Variants in RFTN1 observed in about 807,000 individuals in gnomAD.
RFTN1 encodes the protein raftlin.
A neutral mutation model predicts 46.5 loss-of-function variants in RFTN1; 26 were observed. The observed-to-expected ratio is 0.56, with a 90% CI of 0.41 to 0.78. The LOEUF (loss-of-function observed/expected upper bound fraction) is 0.78, where lower values mean the gene tolerates loss of function less well. Among genes scored for constraint, RFTN1 ranks in the 30% least tolerant of loss-of-function variants. RFTN1 has a pLI of 0.00. For synonymous variants in RFTN1, 261 were observed against 284.2 expected, an observed-to-expected ratio of 0.92 and a Z score of 0.82; for missense variants, 693 against 718.7, an observed-to-expected ratio of 0.96 and a Z score of 0.41.
chr3:16,411,335 T>C (rs1559333383), intron 3 of RFTN1, among the ~76,000 whole-genome samples: 1 of 152,248 alleles, frequency 6.6e-6, no homozygotes, highest in Non-Finnish European at 1.5e-5. Flanking sequence ...ACCATCTGTG[T>C]ATGATTCACC....
chr3:16,480,368 G>GT lies in RFTN1; in HGVS notation c.145+13356dup, dbSNP rs2076345878. On this transcript the variant is annotated intron_variant, in intron 2 of 9. Coordinates refer to ENST00000334133, the MANE Select transcript of RFTN1 (RefSeq NM_015150.2). The surrounding 1 kb of genome is among the most constrained non-coding windows in gnomAD (Gnocchi z 4.3). ...CCCAATGAGGCTGTCAAACTAATGT[G>GT]TACTCCTCCTGATAAATCATGTGTA... 6.6e-6 allele frequency among the ~76,000 whole-genome samples: 1 copy of GT among 152,144 alleles called. No individual in the cohort carries two copies. The highest frequency in any genetic ancestry group is 1.5e-5 in the Non-Finnish European group (1 of 68,024).
intron 9 of RFTN1, among the ~76,000 whole-genome samples, chr3:16,319,816 G>C (rs2068839367): frequency 1.3e-5 from 2 of 152,252 alleles, no homozygotes; most frequent in Admixed American, 1.3e-4. Context: ...GACTGTGCCA[G>C]ATTTCAGTTG....
intron 4 of RFTN1, among the ~76,000 whole-genome samples, chr3:16,406,962 A>C (rs75758288): frequency 0.01 from 1,576 of 152,314 alleles, 22 homozygotes; most frequent in African/African-American, 0.036. Context: ...AAAAGTTAAG[A>C]TAAAAACTGG....
rs1342875390 is a variant in RFTN1 at position 16,327,624 on chromosome 3, G to C, written c.1147-748C>G. ...AATACAAAAAAAATTAGCCAGGCCT[G>C]GTGGCGGGCGCCTGTAGTCCCAGCT... On this transcript the variant is annotated intron_variant, in intron 7 of 9. Coordinates refer to ENST00000334133, the MANE Select transcript of RFTN1 (RefSeq NM_015150.2). This position sits in a 1 kb window ranked among gnomAD's most constrained non-coding sequence, Gnocchi z 4.2. Among the ~76,000 whole-genome samples, 1 of 152,054 alleles carries C rather than the reference G, an allele frequency of 6.6e-6. No homozygotes were observed. Among genetic ancestry groups the C allele is most frequent in the African/African-American group, 2.4e-5 (1 of 41,398 alleles).
chr3:16,332,231 CCTG>C (rs1294033399), intron 7 of RFTN1, among the ~76,000 whole-genome samples: 2 of 151,782 alleles, frequency 1.3e-5, no homozygotes. Context: ...TTTTTCTGGA[CCTG>C]CTATTAATCA....
chr3:16,345,810 GTGTGTGTGCGCGCGCGCGTGCGCGCA>G lies in RFTN1; in HGVS notation c.1146+12096_1146+12121del, dbSNP rs1273790446. On this transcript the variant is annotated intron_variant, in intron 7 of 9. Transcript: ENST00000334133. This position sits in a 1 kb window ranked among gnomAD's most constrained non-coding sequence, Gnocchi z 5.2. ...TCTCTGTGTGTGTGTGTGTGTGTGT[GTGTGTGTGCGCGCGCGCGTGCGCGCA>G]CGCGCACATGTGCATGTGTATGTGT... 1.3e-3 allele frequency among the ~76,000 whole-genome samples: 111 copies of G among 85,628 alleles called. No homozygotes were observed. The highest frequency in any genetic ancestry group is 3.6e-3 in the South Asian group (10 of 2,746). The allele number at this position is 85,628 out of a possible 152,430, so 56.2% of individuals were successfully genotyped here.
chr3:16,368,177 G>T (rs1438225936), intron 6 of RFTN1, among the ~76,000 whole-genome samples: 2 of 152,152 alleles, frequency 1.3e-5, no homozygotes, highest in African/African-American at 4.8e-5. Context: ...ACACTGATAT[G>T]TCAGGCTGTA....
intron 7 of RFTN1, among the ~76,000 whole-genome samples, chr3:16,331,917 C>A (rs147864945): frequency 7.9e-4 from 120 of 152,312 alleles, no homozygotes; most frequent in African/African-American, 2.6e-3. Context: ...ATTGATTTAT[C>A]CGTCAAAATT....
At position 16,465,454 on chromosome 3, in the gene RFTN1, A is replaced by ACC. The variant is rs1491254639; in HGVS notation, c.145+28269_145+28270dup. ...CACACACACACACACACACACACAC[A>ACC]CCCCATGCCTGATTAAACAAAATAA... On this transcript the variant is annotated intron_variant, in intron 2 of 9. Transcript: ENST00000334133. The surrounding 1 kb of genome is among the most constrained non-coding windows in gnomAD (Gnocchi z 5.1). Among the ~76,000 whole-genome samples the ACC allele has an allele frequency of 2.8e-5, 4 of 144,780 alleles. No homozygotes were observed. Among genetic ancestry groups the ACC allele is most frequent in the African/African-American group, 8.5e-5 (3 of 35,416 alleles). The allele number at this position is 144,780 out of a possible 152,430, so 95.0% of individuals were successfully genotyped here. A position where few individuals can be genotyped will look rare whatever the true frequency, so the allele number is the denominator to read the frequency against.
chr3:16,377,625 C>T (rs1324719459), intron 5 of RFTN1, 93 bp downstream of exon 5: 4 of 1,504,272 alleles, frequency 2.7e-6, no homozygotes, highest in Non-Finnish European at 3.5e-6. Context: ...ACTCTAAATT[C>T]CATTCCTTTT....
Position 16,426,204 on chromosome 3 carries a change from T to C in RFTN1, c.332+7647A>G, listed in dbSNP as rs1266843591. On this transcript the variant is annotated intron_variant, in intron 3 of 9. Coordinates refer to ENST00000334133, the MANE Select transcript of RFTN1 (RefSeq NM_015150.2). The surrounding 1 kb of genome is among the most constrained non-coding windows in gnomAD (Gnocchi z 5.9). ...TCCAACAATCAGCGCACTCTAGGGC[T>C]GATCCTCGGCCTCGCGTGTGAACAT... 6.6e-6 allele frequency among the ~76,000 whole-genome samples: 1 copy of C among 152,186 alleles called. No homozygotes were observed. The highest frequency in any genetic ancestry group is 1.5e-5 in the Non-Finnish European group (1 of 68,032).
chr3:16,493,950 A>AGATGCC, intron 1 of RFTN1, 73 bp from the exon 2 acceptor site: 1 of 1,543,898 alleles, frequency 6.5e-7, no homozygotes, highest in South Asian at 1.2e-5. Flanking sequence ...CTAGTATAAA[A>AGATGCC]GATGCCGTAA....
At chr3:16,454,368 G>A (rs1437006377) in intron 2 of RFTN1, among the ~76,000 whole-genome samples, 8 of 152,198 alleles carry the variant, frequency 5.3e-5, no homozygotes, top group Non-Finnish European at 1.5e-5. Context: ...TCATCTAGGG[G>A]TGGGAAGAGT....
intron 4 of RFTN1, among the ~76,000 whole-genome samples, chr3:16,401,917 A>G (rs1292658357): frequency 1.3e-5 from 2 of 152,244 alleles, no homozygotes; most frequent in South Asian, 4.1e-4. Context: ...TGAGATGGGC[A>G]TGTGCCACTG....
Position 16,317,855 on chromosome 3 carries a change from A to G in RFTN1, c.1333-623T>C, listed in dbSNP as rs2068590629. ...CAATGACTGCCCCAGGTGGGATACA[A>G]CAACCCATTTCCTGATCCCAATTTG... is the stretch of plus-strand genomic sequence containing the variant. On this transcript the variant is annotated intron_variant, in intron 9 of 9. Transcript: ENST00000334133. The surrounding 1 kb of genome is among the most constrained non-coding windows in gnomAD (Gnocchi z 4.3). 6.6e-6 allele frequency among the ~76,000 whole-genome samples: 1 copy of G among 152,212 alleles called. No individual in the cohort carries two copies. Among genetic ancestry groups the G allele is most frequent in the African/African-American group, 2.4e-5 (1 of 41,468 alleles).
Position 16,407,076 on chromosome 3 carries a change from G to A in RFTN1, c.441+2299C>T, listed in dbSNP as rs984426982. Among the ~76,000 whole-genome samples the A allele has an allele frequency of 3.3e-5, 5 of 152,178 alleles. No individual in the cohort carries two copies. Among genetic ancestry groups the A allele is most frequent in the Admixed American group, 1.3e-4 (2 of 15,280 alleles). On this transcript the variant is annotated intron_variant, in intron 4 of 9. Coordinates refer to ENST00000334133, the MANE Select transcript of RFTN1 (RefSeq NM_015150.2). This position sits in a 1 kb window ranked among gnomAD's most constrained non-coding sequence, Gnocchi z 4.0. Reference sequence around the variant, plus strand: ...TACAGAAACAACACCCCAGTAGCTCGCAAATCGGGCTGTTTCCTGAAGAAC... The same window carrying A: ...TACAGAAACAACACCCCAGTAGCTCACAAATCGGGCTGTTTCCTGAAGAAC...
At chr3:16,510,288 C>A (rs11128793) in intron 1 of RFTN1, among the ~76,000 whole-genome samples, 60,634 of 152,074 alleles carry the variant, frequency 0.4, 12,608 homozygotes, top group African/African-American at 0.52. Flanking sequence ...AATATCAACC[C>A]TACCAATAGA....
intron 4 of RFTN1, among the ~76,000 whole-genome samples, chr3:16,390,492 G>A (rs1007932240): frequency 1.3e-5 from 2 of 152,132 alleles, no homozygotes; most frequent in Non-Finnish European, 2.9e-5. Flanking sequence ...AATAAACACT[G>A]CCCCTGCAGC....
At chr3:16,404,787 C>A (rs146537343) in intron 4 of RFTN1, among the ~76,000 whole-genome samples, 54 of 152,216 alleles carry the variant, frequency 3.5e-4, no homozygotes, top group South Asian at 1.0e-3. Flanking sequence ...AGCCAAAGAA[C>A]CTTCTGGCCA....
Sources: allele counts gnomAD v4.1 joint callset (sites outside exome capture counted in the v4.1 genomes callset), GRCh38; gene constraint gnomAD v4.1.1; non-coding constraint Gnocchi (gnomAD v3.1); transcripts MANE v1.5; gene names NCBI Gene and HGNC (gene_info 2026-07-23, HGNC 2026-07-21).